Variants in WTAP observed in about 807,000 individuals in gnomAD.
WTAP encodes WT1 associated protein.
In WTAP, 8 loss-of-function variants were observed where a neutral mutation model predicts 50.0. That is an observed-to-expected ratio of 0.16 (90% CI 0.09 to 0.29). WTAP has a LOEUF of 0.29. Ranked by LOEUF, WTAP falls within the 10% of genes least tolerant of loss-of-function variation. WTAP has a pLI of 1.00. For missense variants in WTAP, 295 were observed against 470.7 expected, an observed-to-expected ratio of 0.63 and a Z score of 3.45; for synonymous variants, 194 against 169.0, an observed-to-expected ratio of 1.15 and a Z score of -1.15.
intron 1 of WTAP, among the ~76,000 whole-genome samples, chr6:159,735,418 C>T (rs550788292): frequency 2.0e-5 from 3 of 152,282 alleles, no homozygotes; most frequent in South Asian, 2.1e-4. Flanking sequence ...AGATTACAGT[C>T]GTGAGCCATC....
Position 159,738,975 on chromosome 6 carries a change from T to C in WTAP, c.31-15T>C. Reference sequence around the variant, plus strand: ...CAGGAAGAACACTAAATTCATATTGTAATTCTCTTTATAGGTTCGATTGAG... The same window carrying C: ...CAGGAAGAACACTAAATTCATATTGCAATTCTCTTTATAGGTTCGATTGAG... On this transcript the variant is annotated splice_polypyrimidine_tract_variant and intron_variant, in intron 2 of 7. Coordinates refer to ENST00000621533, the MANE Select transcript of WTAP (RefSeq NM_001270531.2). The C allele has an allele frequency of 6.2e-7, 1 of 1,600,118 alleles. No homozygotes were observed. Among genetic ancestry groups the C allele is most frequent in the South Asian group, 1.1e-5 (1 of 90,090 alleles).
Position 159,741,381 on chromosome 6 carries a change from TGA to T in WTAP, c.87-704_87-703del, listed in dbSNP as rs1779246226. Among the ~76,000 whole-genome samples, 3 of 152,324 alleles carry T rather than the reference TGA, an allele frequency of 2.0e-5. No individual in the cohort carries two copies. In the South Asian group the frequency reaches 6.2e-4, roughly 32 times the overall value. ...TTACAGGCAGAAATTGATACTACCT[TGA>T]GAAGAGTCACATGGTATTTTCCCAA... On this transcript the variant is annotated intron_variant, in intron 3 of 7. Transcript: ENST00000621533.
chr6:159,736,181 AAG>A (rs1778901658), intron 1 of WTAP, 75 bp from the exon 2 acceptor site: 1 of 1,370,484 alleles, frequency 7.3e-7, no homozygotes, highest in South Asian at 1.3e-5. Context: ...ATTGATTTGA[AAG>A]AGTCAGTATT....
In WTAP at chr6:159,727,684, C is replaced by T. The variant is rs1778278637; in HGVS notation, c.-28C>T. On this transcript the variant is annotated 5_prime_UTR_variant, in exon 1 of 8. Coordinates refer to ENST00000621533, the MANE Select transcript of WTAP (RefSeq NM_001270531.2). ...CGGCCTATGCGACCGGTGGCGCCGG[C>T]GCGGCTTCTGCCTGGAGAGGTAGGC... 2.0e-6 allele frequency: 2 copies of T among 983,408 alleles called. No homozygotes were observed. The highest frequency in any genetic ancestry group is 4.7e-5 in the South Asian group (1 of 21,228). 60.9% of individuals were successfully genotyped at this position (983,408 alleles called of 1,614,324 possible).
intron 3 of WTAP, among the ~76,000 whole-genome samples, chr6:159,740,809 C>G (rs1779212717): frequency 1.3e-5 from 2 of 151,098 alleles, no homozygotes; most frequent in African/African-American, 4.9e-5. Context: ...TCAAGCGGTT[C>G]TCCTGCCTCA....
At chr6:159,727,193 T>A (rs372356786), upstream of WTAP, 7 of 1,231,278 alleles carry the variant, frequency 5.7e-6, no homozygotes. Flanking sequence ...ACGGGGAGTG[T>A]TACCGGGGAG....
At chr6:159,728,453 G>T (rs1394123407) in intron 1 of WTAP, among the ~76,000 whole-genome samples, 1 of 152,176 alleles carries the variant, frequency 6.6e-6, no homozygotes, top group Non-Finnish European at 1.5e-5. Context: ...ATTTAGTCTG[G>T]TAGGGAAATA....
chr6:159,742,271 T>TA, intron 4 of WTAP, 125 bp downstream of exon 4: 3 of 731,620 alleles, frequency 4.1e-6, no homozygotes, highest in Admixed American at 6.3e-5. Flanking sequence ...GAACTGTACA[T>TA]AGGCACTGTG....
chr6:159,731,431 G>A (rs1003946841), intron 1 of WTAP, among the ~76,000 whole-genome samples: 2 of 152,172 alleles, frequency 1.3e-5, no homozygotes, highest in Non-Finnish European at 2.9e-5. Context: ...TCGAGTCACT[G>A]CACTCCAGCC....
chr6:159,746,716 T>C (rs1779598534), intron 5 of WTAP, among the ~76,000 whole-genome samples: 3 of 152,332 alleles, frequency 2.0e-5, no homozygotes, highest in African/African-American at 7.2e-5. Context: ...TTCACCTCAG[T>C]GGTATTTCTG....
chr6:159,727,578 A>T lies in WTAP; in HGVS notation c.-134A>T. 1.0e-6 allele frequency: 1 copy of T among 986,202 alleles called. No individual in the cohort carries two copies. The highest frequency in any genetic ancestry group is 1.2e-6 in the Non-Finnish European group (1 of 831,178). The allele number at this position is 986,202 out of a possible 1,614,324, so 61.1% of individuals were successfully genotyped here. A position where few individuals can be genotyped will look rare whatever the true frequency, so the allele number is the denominator to read the frequency against. On this transcript the variant is annotated 5_prime_UTR_variant, in exon 1 of 8. Transcript: ENST00000621533. ...GCGCAGGGGTTGCGGCGGGACTAGG[A>T]GCGCGGCGGGGCCGGCGGCAGAGCT...
chr6:159,749,026 A>G, intron 6 of WTAP: 1 of 1,000,582 alleles, frequency 1.0e-6, no homozygotes, highest in Non-Finnish European at 1.2e-6. Flanking sequence ...CAAGTAGCGC[A>G]TATATTTAAC....
chr6:159,729,785 A>G (rs544138520), intron 1 of WTAP, among the ~76,000 whole-genome samples: 13 of 152,332 alleles, frequency 8.5e-5, no homozygotes, highest in Non-Finnish European at 1.8e-4. Context: ...GGTGTCTTAC[A>G]TTCAGCTATG....
chr6:159,727,831 C>G, intron 1 of WTAP, 128 bp downstream of exon 1: 6 of 659,250 alleles, frequency 9.1e-6, no homozygotes, highest in Non-Finnish European at 1.1e-5. Context: ...GGTGCGGCAC[C>G]GGTCTCTCGT....
At chr6:159,753,265 A>C in intron 6 of WTAP, 195 bp from the exon 7 acceptor site, 1 of 738,138 alleles carries the variant, frequency 1.4e-6, no homozygotes. Context: ...TTTAGGGTTT[A>C]TTTTTACTGC....
At chr6:159,732,884 A>AGTGTGTGTGTGTGTGTG (rs1562452316) in intron 1 of WTAP, among the ~76,000 whole-genome samples, 1 of 83,486 alleles carries the variant, frequency 1.2e-5, no homozygotes, top group African/African-American at 5.6e-5. Flanking sequence ...GTATATATAT[A>AGTGTGTGTGTGTGTGTG]TAGTGTGTGT....
chr6:159,727,631 C>G lies in WTAP; in HGVS notation c.-81C>G. 1.0e-6 allele frequency: 1 copy of G among 985,914 alleles called. No individual in the cohort carries two copies. Among genetic ancestry groups the G allele is most frequent in the Non-Finnish European group, 1.2e-6 (1 of 830,546 alleles). The allele number at this position is 985,914 out of a possible 1,614,324, so 61.1% of individuals were successfully genotyped here. ...CCGGCTGCGCGGTGGCCCGGGGGGC[C>G]CGGGCGGCAGGGCAAGCAGCGCGGC... On this transcript the variant is annotated 5_prime_UTR_variant, in exon 1 of 8. Transcript: ENST00000621533.
chr6:159,727,491 G>A (rs2114851432), upstream of WTAP: 1 of 993,546 alleles, frequency 1.0e-6, no homozygotes, highest in Non-Finnish European at 1.2e-6. Flanking sequence ...GGGCCGGGCG[G>A]CGGGGCCTGG....
chr6:159,753,367 G>A, intron 6 of WTAP, 93 bp from the exon 7 acceptor site: 1 of 1,538,668 alleles, frequency 6.5e-7, no homozygotes, highest in Non-Finnish European at 8.9e-7. Context: ...ATATAGTTAT[G>A]TTTGTATGTG....
Sources: gnomAD v4.1 joint callset for allele counts (sites outside exome capture counted in the v4.1 genomes callset) on GRCh38, gnomAD v4.1.1 for gene constraint, MANE v1.5 for transcripts, NCBI Gene and HGNC (gene_info 2026-07-23, HGNC 2026-07-21) for gene names.